The following SLC24A3 variants were observed in gnomAD, a reference collection of about 807,000 sequenced individuals.
SLC24A3 encodes the protein solute carrier family 24 member 3, also known as sodium/potassium/calcium exchanger 3.
A neutral mutation model predicts 75.8 loss-of-function variants in SLC24A3; 28 were observed. The observed-to-expected ratio is 0.37, with a 90% confidence interval of 0.27 to 0.51. SLC24A3 has a LOEUF of 0.51. Ranked by LOEUF, SLC24A3 falls within the 20% of genes least tolerant of loss-of-function variation. The pLI, the probability that SLC24A3 is intolerant of heterozygous loss-of-function variation, is 0.94. For missense variants in SLC24A3, 663 were observed against 847.8 expected, an observed-to-expected ratio of 0.78 and a Z score of 2.71; for synonymous variants, 372 against 334.1, an observed-to-expected ratio of 1.11 and a Z score of -1.24.
At chr20:19,243,765 C>T (rs1982401239) in intron 1 of SLC24A3, 1 of 152,456 alleles carries the variant, frequency 6.6e-6, no homozygotes, top group South Asian at 2.1e-4. Context: ...TTCTCTGGCC[C>T]CTTCTTCTTT....
At chr20:19,586,562 A>AG (rs2031299820) in intron 6 of SLC24A3, among the ~76,000 whole-genome samples, 1 of 152,292 alleles carries the variant, frequency 6.6e-6, no homozygotes, top group South Asian at 2.1e-4. Context: ...ACCCCACAGC[A>AG]GCGGCAAGGG....
chr20:19,595,807 C>T (rs2031444740), intron 6 of SLC24A3, among the ~76,000 whole-genome samples: 1 of 152,096 alleles, frequency 6.6e-6, no homozygotes, highest in African/African-American at 2.4e-5. Flanking sequence ...GGGTGGTGAA[C>T]AGTGGAGAAG....
intron 1 of SLC24A3, among the ~76,000 whole-genome samples, chr20:19,220,775 C>T (rs1282433822): frequency 6.6e-6 from 1 of 152,190 alleles, no homozygotes; most frequent in African/African-American, 2.4e-5. Context: ...GTGAGTCCCA[C>T]CTCCCAGAAA....
intron 2 of SLC24A3, among the ~76,000 whole-genome samples, chr20:19,394,253 C>A (rs6136705): frequency 6.6e-6 from 1 of 151,950 alleles, no homozygotes; most frequent in African/African-American, 2.4e-5. Context: ...ATATAAAATT[C>A]TTAGAAGAAA....
chr20:19,606,911 C>A (rs1020557552), intron 6 of SLC24A3, among the ~76,000 whole-genome samples: 1 of 152,128 alleles, frequency 6.6e-6, no homozygotes, highest in Non-Finnish European at 1.5e-5. Context: ...GGACAGTGTG[C>A]GGCCAAGCCA....
At chr20:19,354,614 G>A in intron 2 of SLC24A3, among the ~76,000 whole-genome samples, 1 of 150,192 alleles carries the variant, frequency 6.7e-6, no homozygotes, top group South Asian at 2.1e-4. Flanking sequence ...GTGTGTGTGT[G>A]TGTGTGTGTA....
At chr20:19,707,988 G>C (rs1302183993) in intron 15 of SLC24A3, among the ~76,000 whole-genome samples, 6 of 151,594 alleles carry the variant, frequency 4.0e-5, no homozygotes, top group African/African-American at 1.5e-4. Flanking sequence ...GTAGATAGAG[G>C]AGAGGGCCTA....
At chr20:19,472,601 AC>A (rs1987893787) in intron 2 of SLC24A3, among the ~76,000 whole-genome samples, 1 of 152,114 alleles carries the variant, frequency 6.6e-6, no homozygotes, top group African/African-American at 2.4e-5. Context: ...CCAGGGTCAT[AC>A]CCGTTTCCTT....
intron 15 of SLC24A3, among the ~76,000 whole-genome samples, chr20:19,711,152 C>T (rs13044129): frequency 6.6e-6 from 1 of 152,004 alleles, no homozygotes; most frequent in East Asian, 1.9e-4. Context: ...CACACATCCA[C>T]ACATGCAAAC....
intron 2 of SLC24A3, among the ~76,000 whole-genome samples, chr20:19,475,639 AG>A (rs1266077969): frequency 3.3e-5 from 5 of 152,338 alleles, no homozygotes; most frequent in Non-Finnish European, 5.9e-5. Context: ...TGACAAAAAA[AG>A]AAATAATAAA....
At chr20:19,417,072 G>A (rs1986839151) in intron 2 of SLC24A3, among the ~76,000 whole-genome samples, 1 of 152,114 alleles carries the variant, frequency 6.6e-6, no homozygotes, top group Non-Finnish European at 1.5e-5. Context: ...GACTGGAGAG[G>A]CCACATACAC....
chr20:19,348,718 C>T (rs971090678), intron 2 of SLC24A3, among the ~76,000 whole-genome samples: 2 of 152,270 alleles, frequency 1.3e-5, no homozygotes, highest in Middle Eastern at 3.4e-3. Context: ...CCGCCTGTGT[C>T]ACCTTACAGT....
intron 2 of SLC24A3, among the ~76,000 whole-genome samples, chr20:19,299,907 A>G (rs945857737): frequency 6.6e-6 from 1 of 152,200 alleles, no homozygotes. Flanking sequence ...AAGTGACTCA[A>G]TATGTTTAAA....
chr20:19,290,035 T>G (rs1042582626), intron 2 of SLC24A3, among the ~76,000 whole-genome samples: 9 of 152,146 alleles, frequency 5.9e-5, no homozygotes, highest in Non-Finnish European at 1.0e-4. Context: ...CTCTCAGATG[T>G]CTTAGGACCA....
chr20:19,680,742 G>A (rs2032604115), intron 9 of SLC24A3, among the ~76,000 whole-genome samples: 1 of 152,208 alleles, frequency 6.6e-6, no homozygotes. Context: ...CTGAGGTCTT[G>A]TTGCCATAGG....
At chr20:19,235,315 G>A (rs1044119700) in intron 1 of SLC24A3, among the ~76,000 whole-genome samples, 4 of 152,206 alleles carry the variant, frequency 2.6e-5, no homozygotes, top group Non-Finnish European at 4.4e-5. Context: ...GTGAGGTAGG[G>A]TGGTGCTGTC....
At chr20:19,216,451 T>A (rs914673096) in intron 1 of SLC24A3, among the ~76,000 whole-genome samples, 16 of 151,556 alleles carry the variant, frequency 1.1e-4, no homozygotes, top group East Asian at 1.9e-4. Context: ...TCTTAAAAAA[T>A]TTTTTTTAAT....
chr20:19,214,039 A>G (rs1981483557), intron 1 of SLC24A3, among the ~76,000 whole-genome samples: 1 of 152,202 alleles, frequency 6.6e-6, no homozygotes, highest in African/African-American at 2.4e-5. Context: ...GAGGTGCAGA[A>G]TAAAGACATT....
At chr20:19,327,249 C>G (rs1415879879) in intron 2 of SLC24A3, among the ~76,000 whole-genome samples, 1 of 152,236 alleles carries the variant, frequency 6.6e-6, no homozygotes, top group Non-Finnish European at 1.5e-5. Flanking sequence ...TGTGTCCTCA[C>G]TCCATGGCGG....
Sources: allele counts gnomAD v4.1 joint callset (sites outside exome capture counted in the v4.1 genomes callset), GRCh38; gene constraint gnomAD v4.1.1; transcripts MANE v1.5; gene names NCBI Gene and HGNC (gene_info 2026-07-23, HGNC 2026-07-21).